ACSM3: variants seen among roughly 807,000 people sequenced by gnomAD.
The protein encoded by ACSM3 is acyl-CoA synthetase medium chain family member 3, also known as acyl-coenzyme A synthetase ACSM3, mitochondrial.
In ACSM3, 61 loss-of-function variants were observed where a neutral mutation model predicts 74.1. The observed-to-expected ratio is 0.82, with a 90% CI of 0.67 to 1.02. ACSM3 has a LOEUF of 1.02. Among genes scored for constraint, ACSM3 ranks in the 50% least tolerant of loss-of-function variants. The pLI, the probability that ACSM3 is intolerant of heterozygous loss-of-function variation, is 0.00. For missense variants in ACSM3, 660 were observed against 697.0 expected, an observed-to-expected ratio of 0.95 and a Z score of 0.60; for synonymous variants, 213 against 241.5, an observed-to-expected ratio of 0.88 and a Z score of 1.09.
intron 1 of ACSM3, among the ~76,000 whole-genome samples, chr16:20,768,095 T>C (rs2080147233): frequency 6.6e-6 from 1 of 152,220 alleles, no homozygotes; most frequent in Admixed American, 6.5e-5. Context: ...AAAAGTTTGC[T>C]GACCCCTATT....
intron 1 of ACSM3, chr16:20,682,116 G>C: frequency 1.3e-6 from 1 of 779,514 alleles, no homozygotes; most frequent in Admixed American, 2.7e-5. Context: ...TCAGGGCTCA[G>C]TCCTTTGGAT....
In ACSM3 at chr16:20,790,925, A is replaced by G. The variant is rs879129453; in HGVS notation, c.1326+237A>G. The G allele has an allele frequency of 6.2e-7, 1 of 1,613,874 alleles. No homozygotes were observed. Among genetic ancestry groups the G allele is most frequent in the Non-Finnish European group, 8.5e-7 (1 of 1,179,898 alleles). ...GTTCCAGGTCCACGAAGGCAAGAGG[A>G]AGGGACCCTAGAAAGAGGACAGCCT... On this transcript the variant is annotated intron_variant, in intron 10 of 13. Coordinates refer to ENST00000289416, the MANE Select transcript of ACSM3 (RefSeq NM_005622.4). The surrounding 1 kb of genome is among the most constrained non-coding windows in gnomAD (Gnocchi z 4.0).
chr16:20,793,185 C>T (rs574296787), intron 12 of ACSM3, among the ~76,000 whole-genome samples: 1 of 152,224 alleles, frequency 6.6e-6, no homozygotes, highest in African/African-American at 2.4e-5. Context: ...AAGTTTAAGG[C>T]AGGCCAGGCA....
intron 10 of ACSM3, 66 bp from the exon 11 acceptor site, chr16:20,791,936 A>AT: frequency 1.3e-6 from 2 of 1,583,772 alleles, no homozygotes; most frequent in Non-Finnish European, 1.7e-6. Flanking sequence ...GGAAAAAAAA[A>AT]AAAAAATTCC....
chr16:20,677,485 CTG>C (rs1217408991), intron 1 of ACSM3, among the ~76,000 whole-genome samples: 1 of 152,214 alleles, frequency 6.6e-6, no homozygotes, highest in Non-Finnish European at 1.5e-5. Context: ...ACTTTAGAGA[CTG>C]TGAATACCCT....
In ACSM3 at chr16:20,778,426, G is replaced by T. The variant is rs371899755; in HGVS notation, c.638+846G>T. ...TCCTAATATTGAGTTCTTGCCAAAGGCCAAGTACGGTTCTAATAAAAATAA... is the reference window on the plus strand; with the variant it reads ...TCCTAATATTGAGTTCTTGCCAAAGTCCAAGTACGGTTCTAATAAAAATAA... On this transcript the variant is annotated intron_variant, in intron 4 of 13. Transcript: ENST00000289416. Among the ~76,000 whole-genome samples the T allele has an allele frequency of 9.1e-4, 139 of 152,244 alleles. 4 individuals carry two copies. In the South Asian group the frequency reaches 0.028, roughly 31 times the overall value.
At position 20,790,880 on chromosome 16, in the gene ACSM3, T is replaced by C; in HGVS notation, c.1326+192T>C. 8 of 1,613,970 alleles carry C rather than the reference T, an allele frequency of 5.0e-6. No homozygotes were observed. Among genetic ancestry groups the C allele is most frequent in the Non-Finnish European group, 6.8e-6 (8 of 1,179,942 alleles). ...TTCTTGCTGAAGAAAAGCATGCTGG[T>C]CCCCTGAGGCCAGATCACTGTTCCA... On this transcript the variant is annotated intron_variant, in intron 10 of 13. Transcript: ENST00000289416. The surrounding 1 kb of genome is among the most constrained non-coding windows in gnomAD (Gnocchi z 4.0).
At chr16:20,691,079 G>C (rs756488784) in intron 1 of ACSM3, 2 of 1,613,684 alleles carry the variant, frequency 1.2e-6, no homozygotes, top group South Asian at 1.1e-5. Context: ...CCATCTTGGG[G>C]CTCCAAATTC....
At chr16:20,743,255 T>C (rs2079943835) in intron 1 of ACSM3, among the ~76,000 whole-genome samples, 1 of 152,088 alleles carries the variant, frequency 6.6e-6, no homozygotes, top group Non-Finnish European at 1.5e-5. Flanking sequence ...GTCTTGTTTT[T>C]TCCCCTCGCG....
At chr16:20,745,912 C>A (rs1228250061) in intron 1 of ACSM3, among the ~76,000 whole-genome samples, 1 of 152,188 alleles carries the variant, frequency 6.6e-6, no homozygotes, top group East Asian at 1.9e-4. Context: ...TCTCTTGTTA[C>A]CCAGCATCTT....
chr16:20,727,155 A>G (rs2079809391), intron 1 of ACSM3, among the ~76,000 whole-genome samples: 1 of 152,168 alleles, frequency 6.6e-6, no homozygotes, highest in Non-Finnish European at 1.5e-5. Context: ...TATAATCACT[A>G]ATGTGCCCCA....
intron 2 of ACSM3, among the ~76,000 whole-genome samples, chr16:20,772,457 T>C (rs1004371799): frequency 1.3e-5 from 2 of 152,192 alleles, no homozygotes; most frequent in African/African-American, 4.8e-5. Flanking sequence ...TTGAAGCATT[T>C]ACACTATATT....
At chr16:20,736,849 G>A in intron 1 of ACSM3, 6 of 1,603,430 alleles carry the variant, frequency 3.7e-6, no homozygotes, top group Non-Finnish European at 5.1e-6. Flanking sequence ...AGCCCCAGGT[G>A]AGAAACCCAC....
chr16:20,742,359 CAA>C (rs1480203847), intron 1 of ACSM3, among the ~76,000 whole-genome samples: 1 of 152,110 alleles, frequency 6.6e-6, no homozygotes, highest in Non-Finnish European at 1.5e-5. Flanking sequence ...CAACGCATTA[CAA>C]AAAGAGCCAG....
At chr16:20,749,223 G>C (rs991782618) in intron 1 of ACSM3, 1 of 151,934 alleles carries the variant, frequency 6.6e-6, no homozygotes, top group Non-Finnish European at 1.5e-5. Flanking sequence ...TGAAAATGAT[G>C]GTTAATAAGA....
At chr16:20,693,169 CAAAAA>C (rs35507753) in intron 1 of ACSM3, among the ~76,000 whole-genome samples, 1 of 114,484 alleles carries the variant, frequency 8.7e-6, no homozygotes, top group African/African-American at 3.3e-5. Context: ...AATTCCGTCT[CAAAAA>C]AAAAAAAAAA....
intron 1 of ACSM3, among the ~76,000 whole-genome samples, chr16:20,740,901 G>A (rs2079912671): frequency 1.3e-5 from 2 of 152,078 alleles, no homozygotes; most frequent in African/African-American, 4.8e-5. Context: ...CCAACTTCAC[G>A]AGGCTGTCAT....
chr16:20,726,904 C>A (rs1037307742), intron 1 of ACSM3, among the ~76,000 whole-genome samples: 3 of 152,122 alleles, frequency 2.0e-5, no homozygotes, highest in African/African-American at 7.2e-5. Flanking sequence ...AGGCCTTGGG[C>A]AAGTTCTTTA....
chr16:20,741,928 G>C (rs1291120821), intron 1 of ACSM3: 1 of 1,533,340 alleles, frequency 6.5e-7, no homozygotes, highest in Non-Finnish European at 8.7e-7. Context: ...AGTGATACCC[G>C]CCCAAGCCCC....
Sources: allele counts gnomAD v4.1 joint callset (sites outside exome capture counted in the v4.1 genomes callset), GRCh38; gene constraint gnomAD v4.1.1; non-coding constraint Gnocchi (gnomAD v3.1); transcripts MANE v1.5; gene names NCBI Gene and HGNC (gene_info 2026-07-23, HGNC 2026-07-21).